PCDH15: variants seen among roughly 807,000 people sequenced by gnomAD.
PCDH15 encodes protocadherin related 15.
In PCDH15, 129 loss-of-function variants were observed where a neutral mutation model predicts 178.5. That is an observed-to-expected ratio of 0.72 (90% confidence interval 0.63 to 0.84). The LOEUF is 0.84. PCDH15 is among the 40% of genes least tolerant of loss of function. The probability of loss-of-function intolerance (pLI) is 0.00; values close to 1 mark genes in which losing one functional copy is unlikely to be tolerated. For missense variants in PCDH15, 2,230 were observed against 2,099.9 expected, an observed-to-expected ratio of 1.06 and a Z score of -1.21; for synonymous variants, 800 against 732.0, an observed-to-expected ratio of 1.09 and a Z score of -1.50.
chr10:54,385,397 T>C lies in PCDH15; in HGVS notation c.158-6455A>G, dbSNP rs537762999. ...GTTACAGAAAAATGTTTTGTTTCTA[T>C]AGGTAATTTGCTTCTGGAAACAATT... On this transcript the variant is annotated intron_variant, in intron 3 of 37. Transcript: ENST00000644397. Among the ~76,000 whole-genome samples the C allele has an allele frequency of 3.9e-5, 6 of 152,264 alleles. No individual in the cohort carries two copies. In the East Asian group the frequency reaches 1.2e-3, roughly 29 times the overall value.
intron 1 of PCDH15, among the ~76,000 whole-genome samples, chr10:54,794,402 A>C (rs183686629): frequency 6.6e-6 from 1 of 151,878 alleles, no homozygotes; most frequent in East Asian, 1.9e-4. Flanking sequence ...TAATTAATAT[A>C]ATGTATGCTA....
chr10:55,142,440 A>C (rs1251483737), intron 2 of PCDH15, among the ~76,000 whole-genome samples: 3 of 151,544 alleles, frequency 2.0e-5, no homozygotes, highest in Admixed American at 6.6e-5. Context: ...AAATGGATAA[A>C]TAGATGGACA....
At chr10:55,044,402 C>A (rs1428956563) in intron 2 of PCDH15, among the ~76,000 whole-genome samples, 1 of 152,122 alleles carries the variant, frequency 6.6e-6, no homozygotes, top group African/African-American at 2.4e-5. Context: ...CATATGATAA[C>A]TTTCAAGGTT....
At chr10:54,058,745 G>A (rs1162228189) in intron 18 of PCDH15, among the ~76,000 whole-genome samples, 1 of 150,754 alleles carries the variant, frequency 6.6e-6, no homozygotes, top group East Asian at 1.9e-4. Context: ...CCAGGCTGGA[G>A]TGCAGTGGTG....
intron 2 of PCDH15, among the ~76,000 whole-genome samples, chr10:55,498,074 T>C (rs1003165650): frequency 2.0e-5 from 3 of 151,922 alleles, no homozygotes; most frequent in African/African-American, 7.2e-5. Flanking sequence ...AGATTCCATG[T>C]TCCTTATTCA....
At position 54,081,698 on chromosome 10, in the gene PCDH15, T is replaced by A. The variant is rs138905177; in HGVS notation, c.1998-2274A>T. Among the ~76,000 whole-genome samples, 83 of 152,194 alleles carry A rather than the reference T, an allele frequency of 5.5e-4. 1 individual carries two copies. In the East Asian group the frequency reaches 0.015, roughly 27 times the overall value. On this transcript the variant is annotated intron_variant, in intron 16 of 37. Coordinates refer to ENST00000644397, the MANE Select transcript of PCDH15 (RefSeq NM_001384140.1). ...ATGGAGGCTATCAGGCCAGGATACA[T>A]TGGGGTACACTTAGTAATGCAATAC...
intron 2 of PCDH15, among the ~76,000 whole-genome samples, chr10:54,537,108 T>C (rs916720844): frequency 6.7e-6 from 1 of 149,048 alleles, no homozygotes; most frequent in African/African-American, 2.5e-5. Context: ...ACGCCAGTCT[T>C]CTGCCTCAGC....
rs185480996 is a variant in PCDH15 at position 54,437,503 on chromosome 10, C to A, written c.158-58561G>T. 2.6e-3 allele frequency among the ~76,000 whole-genome samples: 387 copies of A among 151,684 alleles called. 1 individual carries two copies. Among genetic ancestry groups the A allele is most frequent in the Middle Eastern group, 0.014 (4 of 294 alleles). On this transcript the variant is annotated intron_variant, in intron 3 of 37. Coordinates refer to ENST00000644397, the MANE Select transcript of PCDH15 (RefSeq NM_001384140.1). The stretch of plus-strand genomic sequence containing the variant: ...GTAGCAGTATTGGTAGTATTATCCT[C>A]TTTTCAAATTTTAACCACAGAGCTT...
At chr10:55,262,336 G>A (rs1842167014) in intron 1 of PCDH15, among the ~76,000 whole-genome samples, 1 of 92,666 alleles carries the variant, frequency 1.1e-5, no homozygotes, top group South Asian at 4.3e-4. Context: ...TATGCCCATG[G>A]ATCTAGTGAC....
At chr10:54,485,764 C>T (rs528665738) in intron 3 of PCDH15, among the ~76,000 whole-genome samples, 6 of 152,060 alleles carry the variant, frequency 3.9e-5, no homozygotes, top group African/African-American at 1.4e-4. Context: ...CATCCATATG[C>T]GTGTGTGCAA....
chr10:55,378,679 T>C (rs147442907), intron 2 of PCDH15, among the ~76,000 whole-genome samples: 189 of 152,242 alleles, frequency 1.2e-3, no homozygotes, highest in African/African-American at 4.2e-3. Context: ...CAGTTTTAGA[T>C]AGCATTCTAG....
intron 2 of PCDH15, among the ~76,000 whole-genome samples, chr10:55,120,126 C>T (rs1298941102): frequency 6.6e-6 from 1 of 151,728 alleles, no homozygotes; most frequent in Non-Finnish European, 1.5e-5. Context: ...ACAGAGGAAA[C>T]AGGGACAAGA....
intron 1 of PCDH15, among the ~76,000 whole-genome samples, chr10:54,724,618 A>G (rs1038719238): frequency 2.3e-4 from 35 of 151,706 alleles, no homozygotes; most frequent in South Asian, 4.1e-4. Context: ...TGTATGGTGC[A>G]CCAGAATATA....
chr10:54,655,260 G>A (rs577132367), intron 2 of PCDH15, among the ~76,000 whole-genome samples: 44 of 63,992 alleles, frequency 6.9e-4, no homozygotes, highest in African/African-American at 1.3e-3. Flanking sequence ...GAAAGAAAGA[G>A]AGAGAGAGAG....
At chr10:54,936,706 C>T (rs996595320) in intron 2 of PCDH15, among the ~76,000 whole-genome samples, 4 of 147,734 alleles carry the variant, frequency 2.7e-5, no homozygotes, top group South Asian at 2.1e-4. Flanking sequence ...CTTTTTTGCA[C>T]ATTTTTATTG....
chr10:55,175,621 G>C (rs1839460101), intron 1 of PCDH15, among the ~76,000 whole-genome samples: 1 of 138,164 alleles, frequency 7.2e-6, no homozygotes, highest in South Asian at 2.2e-4. Flanking sequence ...AGCCAAGATT[G>C]CGCCACTGCA....
chr10:54,384,668 A>G (rs1949707214), intron 3 of PCDH15, among the ~76,000 whole-genome samples: 1 of 151,498 alleles, frequency 6.6e-6, no homozygotes, highest in African/African-American at 2.4e-5. Context: ...GGATAGGGGA[A>G]GTAAGTTTGT....
At chr10:55,495,866 G>A (rs1840521255) in intron 2 of PCDH15, among the ~76,000 whole-genome samples, 1 of 151,768 alleles carries the variant, frequency 6.6e-6, no homozygotes, top group Admixed American at 6.6e-5. Flanking sequence ...TAAATAAAGT[G>A]TTGACTAACC....
At chr10:54,922,646 C>T (rs1837524078) in intron 2 of PCDH15, among the ~76,000 whole-genome samples, 2 of 152,022 alleles carry the variant, frequency 1.3e-5, no homozygotes, top group Admixed American at 1.3e-4. Context: ...CTCTGTGTCC[C>T]TACCCAAATC....
Sources: allele counts gnomAD v4.1 joint callset (sites outside exome capture counted in the v4.1 genomes callset), GRCh38; gene constraint gnomAD v4.1.1; transcripts MANE v1.5; gene names NCBI Gene and HGNC (gene_info 2026-07-23, HGNC 2026-07-21).